The following TSBP1 variants were observed in gnomAD, a reference collection of about 807,000 sequenced individuals.
TSBP1 encodes testis-expressed basic protein 1.
TSBP1 carries 56 observed loss-of-function variants against 68.8 expected under a neutral mutation model. That is an observed-to-expected ratio of 0.81 (90% CI 0.66 to 1.02). The LOEUF is 1.02. Among genes scored for constraint, TSBP1 ranks in the 50% least tolerant of loss-of-function variants. The probability of loss-of-function intolerance (pLI) is 0.00; values close to 1 mark genes in which losing one functional copy is unlikely to be tolerated. For missense variants in TSBP1, 502 were observed against 641.2 expected (o/e 0.78, Z 2.34); for synonymous variants, 171 against 208.7 (o/e 0.82, Z 1.56).
At chr6:32,371,834 T>C in exon 1 of TSBP1, 4 of 1,017,118 alleles carry the variant, frequency 3.9e-6, no homozygotes, top group Non-Finnish European at 6.1e-6. Context: ...AGGGAGGCCC[T>C]TGTAGGCAGA....
chr6:32,332,334 G>T (rs1329441519), intron 14 of TSBP1, among the ~76,000 whole-genome samples: 1 of 152,208 alleles, frequency 6.6e-6, no homozygotes, highest in Non-Finnish European at 1.5e-5. Flanking sequence ...TTGTTATTAG[G>T]TATTAACATT....
chr6:32,357,949 G>A lies in TSBP1; in HGVS notation c.218-2280C>T, dbSNP rs1051809282. 6.6e-6 allele frequency among the ~76,000 whole-genome samples: 1 copy of A among 152,290 alleles called. No individual in the cohort carries two copies. Among genetic ancestry groups the A allele is most frequent in the African/African-American group, 2.4e-5 (1 of 41,550 alleles). On this transcript the variant is annotated intron_variant, in intron 6 of 22. Coordinates refer to ENST00000612031, the Ensembl canonical transcript of TSBP1. The surrounding 1 kb of genome is among the most constrained non-coding windows in gnomAD (Gnocchi z 4.7). The stretch of plus-strand genomic sequence containing the variant: ...AAATCCCCAGCAGTGTCTCTGGGGT[G>A]GGGCTGCATTCACTTGCAGGAAGGA...
rs1484208366 is a variant in TSBP1, at chr6:32,365,454, CG to C, written c.217+712del. The stretch of plus-strand genomic sequence containing the variant: ...TCAGTAGTGCAAGGAGCATAGGTCA[CG>C]CATCTCAAATGGCAGGCTTTCTGAT... On this transcript the variant is annotated intron_variant, in intron 6 of 22. Transcript: ENST00000612031. The surrounding 1 kb of genome is among the most constrained non-coding windows in gnomAD (Gnocchi z 4.3). 3 of 456,766 alleles carry C rather than the reference CG, an allele frequency of 6.6e-6. No individual in the cohort carries two copies. Among genetic ancestry groups the C allele is most frequent in the Non-Finnish European group, 1.3e-5 (3 of 227,018 alleles). The allele number at this position is 456,766 out of a possible 1,614,324, so 28.3% of individuals were successfully genotyped here. A position where few individuals can be genotyped will look rare whatever the true frequency, so the allele number is the denominator to read the frequency against.
chr6:32,305,877 T>C (rs963802437), intron 19 of TSBP1, among the ~76,000 whole-genome samples: 7 of 152,238 alleles, frequency 4.6e-5, no homozygotes, highest in African/African-American at 1.7e-4. Flanking sequence ...TCTTTTCTTT[T>C]TTAAGTTGCA....
chr6:32,293,865 G>A (rs889429962), exon 23 of TSBP1: 1 of 1,612,760 alleles, frequency 6.2e-7, no homozygotes, highest in Non-Finnish European at 8.5e-7. Context: ...TCCTTTATGT[G>A]TGCTGATTTC....
At chr6:32,322,231 A>T (rs1767712880) in intron 18 of TSBP1, among the ~76,000 whole-genome samples, 1 of 152,220 alleles carries the variant, frequency 6.6e-6, no homozygotes, top group South Asian at 2.1e-4. Flanking sequence ...ATTAAATATC[A>T]TCATTGTTAG....
chr6:32,366,099 CT>C, intron 6 of TSBP1, 67 bp downstream of exon 6: 1 of 1,593,430 alleles, frequency 6.3e-7, no homozygotes, highest in Non-Finnish European at 8.6e-7. Flanking sequence ...TTTTTATAGC[CT>C]TTTATGTTGT....
At chr6:32,331,964 G>C in intron 15 of TSBP1, 70 bp downstream of exon 16, 1 of 1,086,330 alleles carries the variant, frequency 9.2e-7, no homozygotes, top group South Asian at 1.3e-5. Context: ...TACTTAAACA[G>C]TTGGAGCCAG....
At chr6:32,313,620 A>G (rs1766642712) in intron 19 of TSBP1, among the ~76,000 whole-genome samples, 1 of 151,476 alleles carries the variant, frequency 6.6e-6, no homozygotes, top group South Asian at 2.1e-4. Flanking sequence ...CATAACTTTT[A>G]GTAGTTTCTT....
At chr6:32,301,869 C>T (rs1466265450) in intron 20 of TSBP1, among the ~76,000 whole-genome samples, 1 of 150,986 alleles carries the variant, frequency 6.6e-6, no homozygotes, top group African/African-American at 2.4e-5. Flanking sequence ...CCATATAAAT[C>T]TAGTTTTCCA....
At chr6:32,356,313 T>C (rs2127640329) in intron 6 of TSBP1, among the ~76,000 whole-genome samples, 1 of 152,292 alleles carries the variant, frequency 6.6e-6, no homozygotes, top group African/African-American at 2.4e-5. Flanking sequence ...TATTTTTTTT[T>C]CAGCTTCTTT....
At chr6:32,294,056 C>A in intron 22 of TSBP1, 21 bp from the exon 26 acceptor site, 1 of 1,599,390 alleles carries the variant, frequency 6.3e-7, no homozygotes, top group Admixed American at 1.7e-5. Context: ...AACAAAAGGG[C>A]GTGATTTAGA....
At position 32,302,523 on chromosome 6, in the gene TSBP1, T is replaced by C; in HGVS notation, c.601+86A>G. Reference sequence around the variant, plus strand: ...AAAACCCAGCAAACAAAAACAAACATAAAACATTAAAAACATTTGTAGAAA... The same window carrying C: ...AAAACCCAGCAAACAAAAACAAACACAAAACATTAAAAACATTTGTAGAAA... On this transcript the variant is annotated intron_variant, in intron 20 of 22. Transcript: ENST00000612031. The surrounding 1 kb of genome is among the most constrained non-coding windows in gnomAD (Gnocchi z 5.1). The C allele has an allele frequency of 1.1e-6, 1 of 901,766 alleles. No individual in the cohort carries two copies. The highest frequency in any genetic ancestry group is 1.8e-6 in the Non-Finnish European group (1 of 553,018). The allele number at this position is 901,766 out of a possible 1,614,324, so 55.9% of individuals were successfully genotyped here.
Position 32,370,407 on chromosome 6 carries a change from G to GTGTATATA in TSBP1, c.14-425_14-424insTATATACA, listed in dbSNP as rs1241237254. On this transcript the variant is annotated intron_variant, in intron 1 of 22. Coordinates refer to ENST00000612031, the Ensembl canonical transcript of TSBP1. ...TACCTTTAAAGTTGCAAGATTTTCT[G>GTGTATATA]TATATATATATATATATATATATAT... Among the ~76,000 whole-genome samples, 333 of 130,670 alleles carry GTGTATATA rather than the reference G, an allele frequency of 2.5e-3. 3 individuals carry two copies. The highest frequency in any genetic ancestry group is 0.01 in the East Asian group (47 of 4,592). The allele number at this position is 130,670 out of a possible 152,430, so 85.7% of individuals were successfully genotyped here.
intron 1 of TSBP1, among the ~76,000 whole-genome samples, chr6:32,370,407 G>GTA (rs9279612): frequency 0.013 from 1,703 of 130,338 alleles, 33 homozygotes; most frequent in Admixed American, 0.021. Context: ...AAGATTTTCT[G>GTA]TATATATATA....
Position 32,336,018 on chromosome 6 carries a change from T to G in TSBP1, c.431-86A>C. The G allele has an allele frequency of 9.1e-7, 1 of 1,101,278 alleles. No individual in the cohort carries two copies. 68.2% of individuals were successfully genotyped at this position (1,101,278 alleles called of 1,614,324 possible). A position where few individuals can be genotyped will look rare whatever the true frequency, so the allele number is the denominator to read the frequency against. ...AATTTCCATTTCCCAACACTCGCTC[T>G]AGGGAGTATCATAAATAGAAACAAC... is the stretch of plus-strand genomic sequence containing the variant. On this transcript the variant is annotated intron_variant, in intron 12 of 22. Transcript: ENST00000612031. The surrounding 1 kb of genome is among the most constrained non-coding windows in gnomAD (Gnocchi z 5.2).
chr6:32,339,224 T>A (rs1770039196), intron 10 of TSBP1, among the ~76,000 whole-genome samples: 1 of 61,462 alleles, frequency 1.6e-5, no homozygotes, highest in South Asian at 9.3e-4. Flanking sequence ...GTCAAATCCT[T>A]CTAAAGTTAT....
rs144113817 is a variant in TSBP1 at position 32,347,353 on chromosome 6, G to A, written c.349+2387C>T. On this transcript the variant is annotated intron_variant, in intron 9 of 22. Coordinates refer to ENST00000612031, the Ensembl canonical transcript of TSBP1. ...AATTTTTTATTCATTGTAGAGACAG[G>A]GTCTCACTCTGTTGTTGAGGCTGTG... Among the ~76,000 whole-genome samples the A allele has an allele frequency of 7.1e-3, 1,074 of 152,046 alleles. 19 individuals carry two copies. The highest frequency in any genetic ancestry group is 0.02 in the East Asian group (102 of 5,182).
At chr6:32,355,699 C>G in intron 6 of TSBP1, 30 bp from the exon 7 acceptor site, 2 of 1,577,218 alleles carry the variant, frequency 1.3e-6, no homozygotes, top group Non-Finnish European at 1.7e-6. Context: ...AAAGAAAAAT[C>G]AATTTGGATA....
Sources: allele counts gnomAD v4.1 joint callset (sites outside exome capture counted in the v4.1 genomes callset), GRCh38; gene constraint gnomAD v4.1.1; non-coding constraint Gnocchi (gnomAD v3.1); transcripts MANE v1.5; gene names NCBI Gene and HGNC (gene_info 2026-07-23, HGNC 2026-07-21).